The following CAMTA1 variants were observed in gnomAD, a reference collection of about 807,000 sequenced individuals.
CAMTA1 encodes calmodulin-binding transcription activator 1.
CAMTA1 carries 27 observed loss-of-function variants against 170.9 expected under a neutral mutation model. That is an observed-to-expected ratio of 0.16 (90% CI 0.12 to 0.22). The LOEUF is 0.22. Ranked by LOEUF, CAMTA1 falls within the 10% of genes least tolerant of loss-of-function variation. The pLI is 1.00. For missense variants in CAMTA1, 1,619 were observed against 2,217.2 expected (o/e 0.73, Z 5.42); for synonymous variants, 833 against 891.5 (o/e 0.93, Z 1.17).
intron 5 of CAMTA1, among the ~76,000 whole-genome samples, chr1:7,438,285 G>C (rs1388093381): frequency 6.6e-6 from 1 of 152,186 alleles, no homozygotes. Context: ...AGGTTTGCGG[G>C]GGTGGAGCAT....
chr1:7,428,560 G>A (rs145336322), intron 5 of CAMTA1, among the ~76,000 whole-genome samples: 4 of 152,208 alleles, frequency 2.6e-5, no homozygotes, highest in Non-Finnish European at 4.4e-5. Context: ...TCAGGGCTCT[G>A]CAGTGGAGGC....
intron 4 of CAMTA1, among the ~76,000 whole-genome samples, chr1:7,118,819 G>A (rs1276403918): frequency 6.6e-6 from 1 of 152,206 alleles, no homozygotes; most frequent in Non-Finnish European, 1.5e-5. Flanking sequence ...AGGAGACCTT[G>A]ATGGAAGGGA....
At chr1:7,498,924 AGT>A (rs56174723) in intron 6 of CAMTA1, among the ~76,000 whole-genome samples, 76,448 of 125,886 alleles carry the variant, frequency 0.61, 23,187 homozygotes, top group African/African-American at 0.78. Flanking sequence ...TATGTATATG[AGT>A]GTGTGTGTGC....
chr1:6,907,408 G>A (rs1279170749), intron 3 of CAMTA1, among the ~76,000 whole-genome samples: 1 of 152,034 alleles, frequency 6.6e-6, no homozygotes, highest in African/African-American at 2.4e-5. Context: ...TTCTACGCAG[G>A]GTGCATGCAG....
rs181944125 is a variant in CAMTA1 at position 7,063,075 on chromosome 1, T to G, written c.235-28229T>G. Among the ~76,000 whole-genome samples, 2 of 152,348 alleles carry G rather than the reference T, an allele frequency of 1.3e-5. No homozygotes were observed. The highest frequency in any genetic ancestry group is 1.3e-4 in the Admixed American group (2 of 15,304). On this transcript the variant is annotated intron_variant, in intron 3 of 22. Transcript: ENST00000303635. The surrounding 1 kb of genome is among the most constrained non-coding windows in gnomAD (Gnocchi z 4.3). ...AACATATCTTTTTGGGGAACACGGA[T>G]TCATTTTTCTCACTTCCCTAACAAA...
At chr1:7,711,361 C>T (rs966785680) in intron 11 of CAMTA1, among the ~76,000 whole-genome samples, 1 of 152,120 alleles carries the variant, frequency 6.6e-6, no homozygotes, top group Non-Finnish European at 1.5e-5. Context: ...ACATAACATT[C>T]AGTCCATTGC....
intron 5 of CAMTA1, among the ~76,000 whole-genome samples, chr1:7,452,469 C>T (rs541537216): frequency 6.6e-6 from 1 of 152,340 alleles, no homozygotes; most frequent in Non-Finnish European, 1.5e-5. Context: ...CTATCTTGTT[C>T]CAAAACACTT....
At chr1:7,714,294 C>T (rs1454801392) in intron 11 of CAMTA1, among the ~76,000 whole-genome samples, 1 of 152,156 alleles carries the variant, frequency 6.6e-6, no homozygotes, top group Non-Finnish European at 1.5e-5. Context: ...GAACATCCAA[C>T]TCATCTACAT....
intron 5 of CAMTA1, among the ~76,000 whole-genome samples, chr1:7,353,929 G>A (rs547344103): frequency 6.6e-6 from 1 of 151,968 alleles, no homozygotes; most frequent in South Asian, 2.1e-4. Flanking sequence ...CTACAAGTGG[G>A]CCCCACTGTC....
chr1:7,550,632 T>C (rs1265883995), intron 6 of CAMTA1, among the ~76,000 whole-genome samples: 2 of 128,984 alleles, frequency 1.6e-5, no homozygotes, highest in East Asian at 4.5e-4. Context: ...ACCTGGCCCC[T>C]CACCTAACCA....
chr1:7,444,980 C>T (rs2149429138), intron 5 of CAMTA1, among the ~76,000 whole-genome samples: 1 of 151,576 alleles, frequency 6.6e-6, no homozygotes, highest in South Asian at 2.1e-4. Flanking sequence ...AGACTAAAAA[C>T]AGCCCATGAT....
chr1:7,383,278 T>G (rs1430264968), intron 5 of CAMTA1, among the ~76,000 whole-genome samples: 2 of 152,234 alleles, frequency 1.3e-5, no homozygotes, highest in African/African-American at 2.4e-5. Flanking sequence ...AAAAGCATTT[T>G]ATATTCCCTA....
chr1:7,558,968 G>A (rs190383945), intron 6 of CAMTA1, among the ~76,000 whole-genome samples: 17 of 152,272 alleles, frequency 1.1e-4, no homozygotes, highest in Middle Eastern at 3.4e-3. Flanking sequence ...GCTGGGTCTC[G>A]GACCCCCGTC....
intron 4 of CAMTA1, among the ~76,000 whole-genome samples, chr1:7,233,876 G>C (rs932813149): frequency 6.6e-6 from 1 of 152,140 alleles, no homozygotes; most frequent in Non-Finnish European, 1.5e-5. Context: ...CAAGGGGCCG[G>C]GGAGGTGGGG....
chr1:7,323,950 A>G (rs1678886844), intron 5 of CAMTA1, among the ~76,000 whole-genome samples: 1 of 152,186 alleles, frequency 6.6e-6, no homozygotes, highest in Non-Finnish European at 1.5e-5. Flanking sequence ...TGTTCCATGT[A>G]TGCTTGAAAA....
At chr1:6,914,794 T>G (rs1157557288) in intron 3 of CAMTA1, among the ~76,000 whole-genome samples, 3 of 152,190 alleles carry the variant, frequency 2.0e-5, no homozygotes, top group Non-Finnish European at 4.4e-5. Context: ...GCCTGCAGAC[T>G]CTGGGATGTT....
chr1:7,399,698 G>A (rs2089737176), intron 5 of CAMTA1, among the ~76,000 whole-genome samples: 1 of 152,116 alleles, frequency 6.6e-6, no homozygotes, highest in African/African-American at 2.4e-5. Context: ...TGCTTGTCTG[G>A]GACAGACTAT....
chr1:7,310,668 TTTC>T (rs752176587), intron 5 of CAMTA1, among the ~76,000 whole-genome samples: 1 of 33,710 alleles, frequency 3.0e-5, no homozygotes, highest in Non-Finnish European at 5.1e-5. Flanking sequence ...TCTTTCTTTC[TTTC>T]CTTTCTTTCT....
intron 3 of CAMTA1, among the ~76,000 whole-genome samples, chr1:6,842,455 C>T (rs1207636537): frequency 2.6e-5 from 4 of 152,240 alleles, no homozygotes; most frequent in African/African-American, 9.6e-5. Context: ...GACCTGGGCC[C>T]TACCACAAAC....
Sources: allele counts gnomAD v4.1 joint callset (sites outside exome capture counted in the v4.1 genomes callset), GRCh38; gene constraint gnomAD v4.1.1; non-coding constraint Gnocchi (gnomAD v3.1); transcripts MANE v1.5; gene names NCBI Gene and HGNC (gene_info 2026-07-23, HGNC 2026-07-21).